The following PCDH19 variants were observed in gnomAD, a reference collection of about 807,000 sequenced individuals.
PCDH19 encodes protocadherin-19.
A neutral mutation model predicts 46.2 loss-of-function variants in PCDH19; 6 were observed. The ratio of observed to expected loss-of-function variants is 0.13; its 90% CI spans 0.07 to 0.26. The LOEUF is 0.26. Ranked by LOEUF, PCDH19 falls within the 10% of genes least tolerant of loss-of-function variation. The probability of loss-of-function intolerance (pLI) is 1.00; values close to 1 mark genes in which losing one functional copy is unlikely to be tolerated. For synonymous variants in PCDH19, 481 were observed against 415.7 expected, an observed-to-expected ratio of 1.16 and a Z score of -1.91; for missense variants, 740 against 972.3, an observed-to-expected ratio of 0.76 and a Z score of 3.18.
At position 100,406,546 on chromosome X, in the gene PCDH19, G is replaced by A. The variant is rs1555984966; in HGVS notation, c.2052C>T (p.Ala684=). 1 of 1,209,574 alleles carries A rather than the reference G, an allele frequency of 8.3e-7. No homozygotes were observed. Among genetic ancestry groups the A allele is most frequent in the Non-Finnish European group, 1.1e-6 (1 of 894,230 alleles). The change falls in exon 1 of 6, where the codon GCC becomes GCT. Residue 684 remains alanine, a synonymous_variant. Transcript: ENST00000373034. The part of the protein sequence containing the change: ...SVNLSLIFII[A]LGSIAGILFV... ...AGAGGATGCCCGCAATGGAGCCCAG[G>A]GCAATAATGAAAATCAAGGACAAGT...
At position 100,409,773 on chromosome X, in the gene PCDH19, G is replaced by T. The variant is rs781106875; in HGVS notation, c.-1176C>A. On this transcript the variant is annotated 5_prime_UTR_variant, in exon 1 of 6. Transcript: ENST00000373034. ...AGCCCTCCTAGCTCAGTTGCACGTCGCTGGGGTCCGCCTCAGCAGCTGCCA... is the reference window on the plus strand; with the variant it reads ...AGCCCTCCTAGCTCAGTTGCACGTCTCTGGGGTCCGCCTCAGCAGCTGCCA... The T allele has an allele frequency of 4.6e-5, 10 of 215,096 alleles. No homozygotes were observed. The East Asian group carries it at 9.2e-4, about 20-fold the overall frequency. The allele number at this position is 215,096 out of a possible 1,213,427, so 17.7% of individuals were successfully genotyped here. A position where few individuals can be genotyped will look rare whatever the true frequency, so the allele number is the denominator to read the frequency against.
At chrX:100,342,932 C>T (rs185340370) in intron 4 of PCDH19, among the ~76,000 whole-genome samples, 136 of 112,296 alleles carry the variant, frequency 1.2e-3, no homozygotes, top group African/African-American at 4.0e-3. Context: ...AACATTATTT[C>T]TGGGTGTGTC....
At chrX:100,340,753 A>G (rs1316399077) in intron 5 of PCDH19, among the ~76,000 whole-genome samples, 1 of 112,155 alleles carries the variant, frequency 8.9e-6, no homozygotes, top group Non-Finnish European at 1.9e-5. Flanking sequence ...ATTTTTTTCC[A>G]TGAAAAACAT....
At chrX:100,326,485 A>G (rs1925699857) in intron 5 of PCDH19, among the ~76,000 whole-genome samples, 2 of 111,671 alleles carry the variant, frequency 1.8e-5, no homozygotes, top group Admixed American at 1.9e-4. Context: ...AAGGAATCAA[A>G]ATGACGTCTA....
chrX:100,407,521 G>A lies in PCDH19; in HGVS notation c.1077C>T (p.Ser359=). 1 of 1,211,254 alleles carries A rather than the reference G, an allele frequency of 8.3e-7. No homozygotes were observed. Among genetic ancestry groups the A allele is most frequent in the South Asian group, 1.8e-5 (1 of 57,036 alleles). ...TCACGTAGCCCGGGGGGGCGCTCTC[G>A]CTGACCTCCACAAGCTCACTGTTGA... ...LSVNSELVEV[S]ESAPPGYVIA... Residue 359 remains serine (S), a synonymous_variant, in exon 1 of 6, where the codon AGC becomes AGT. Coordinates refer to ENST00000373034, the MANE Select transcript of PCDH19 (RefSeq NM_001184880.2).
intron 3 of PCDH19, among the ~76,000 whole-genome samples, chrX:100,376,984 G>A (rs1029296426): frequency 8.9e-6 from 1 of 112,213 alleles, no homozygotes; most frequent in Non-Finnish European, 1.9e-5. Flanking sequence ...TCTCTTTCCA[G>A]GGGTGAATAA....
rs368948239 is a variant in PCDH19 at position 100,343,414 on chromosome X, T to G, written c.2676-1339A>C. On this transcript the variant is annotated intron_variant, in intron 4 of 5. Transcript: ENST00000373034. ...GTGAGAGCCAGAGAGTGAGCACTAA[T>G]GCAACTCTGAGTATAGTTATACTAA... Among the ~76,000 whole-genome samples, 12 of 112,479 alleles carry G rather than the reference T, an allele frequency of 1.1e-4. No homozygotes were observed. In the East Asian group the frequency reaches 2.3e-3, roughly 21 times the overall value.
At chrX:100,373,431 A>G (rs1426670297) in intron 3 of PCDH19, among the ~76,000 whole-genome samples, 1 of 113,020 alleles carries the variant, frequency 8.8e-6, no homozygotes, top group African/African-American at 3.2e-5. Context: ...TGGGGAAAAG[A>G]ATCAGCTTCA....
intron 5 of PCDH19, among the ~76,000 whole-genome samples, chrX:100,317,286 A>G (rs1925338498): frequency 8.9e-6 from 1 of 112,255 alleles, no homozygotes; most frequent in Non-Finnish European, 1.9e-5. Flanking sequence ...GGAACTGTAC[A>G]GACCCTGAAA....
At chrX:100,372,372 C>T (rs1289707672) in intron 3 of PCDH19, among the ~76,000 whole-genome samples, 2 of 112,288 alleles carry the variant, frequency 1.8e-5, no homozygotes, top group Non-Finnish European at 3.8e-5. Context: ...TCCATATATC[C>T]TGTGCAGCTT....
At chrX:100,318,677 G>A (rs1316379698) in intron 5 of PCDH19, among the ~76,000 whole-genome samples, 1 of 111,946 alleles carries the variant, frequency 8.9e-6, no homozygotes, top group Non-Finnish European at 1.9e-5. Context: ...ATGGAACATG[G>A]ACCAGGTAAG....
At chrX:100,366,518 T>C (rs1337842479) in intron 3 of PCDH19, among the ~76,000 whole-genome samples, 1 of 112,277 alleles carries the variant, frequency 8.9e-6, no homozygotes, top group Non-Finnish European at 1.9e-5. Flanking sequence ...CTTTCCCGTG[T>C]TGGAGTCATA....
intron 5 of PCDH19, among the ~76,000 whole-genome samples, chrX:100,307,652 G>A (rs1489352269): frequency 2.7e-5 from 3 of 110,739 alleles, no homozygotes; most frequent in African/African-American, 9.8e-5. Flanking sequence ...AAACCCTAAC[G>A]AGTCATCCAA....
At chrX:100,345,807 T>G (rs1926382606) in intron 4 of PCDH19, among the ~76,000 whole-genome samples, 1 of 111,718 alleles carries the variant, frequency 9.0e-6, no homozygotes, top group African/African-American at 3.3e-5. Context: ...AGTTTGCCCA[T>G]CTGACAAACT....
intron 5 of PCDH19, among the ~76,000 whole-genome samples, chrX:100,322,529 T>C (rs1267777482): frequency 9.1e-6 from 1 of 109,577 alleles, no homozygotes; most frequent in Non-Finnish European, 1.9e-5. Context: ...TTTTTTTGTT[T>C]TTTGTTTTGT....
At chrX:100,357,790 G>C (rs1288835960) in intron 3 of PCDH19, among the ~76,000 whole-genome samples, 1 of 112,144 alleles carries the variant, frequency 8.9e-6, no homozygotes, top group Non-Finnish European at 1.9e-5. Context: ...TGTGTAGTGT[G>C]TCAGTTCATC....
chrX:100,397,262 C>G (rs1928051119), intron 3 of PCDH19, among the ~76,000 whole-genome samples: 1 of 111,915 alleles, frequency 8.9e-6, no homozygotes, highest in Non-Finnish European at 1.9e-5. Context: ...ATTATTTCCA[C>G]TAAGATGACC....
At position 100,409,276 on chromosome X, in the gene PCDH19, C is replaced by G. The variant is rs1204153119; in HGVS notation, c.-679G>C. ...AGTTACTGGCAAGCGCCGCGGGCACCCGGTTATAGGGTTGAGTCGGATGGC... is the reference window on the plus strand; with the variant it reads ...AGTTACTGGCAAGCGCCGCGGGCACGCGGTTATAGGGTTGAGTCGGATGGC... On this transcript the variant is annotated 5_prime_UTR_variant, in exon 1 of 6. Transcript: ENST00000373034. The G allele has an allele frequency of 1.8e-5, 2 of 111,577 alleles. No homozygotes were observed. Among genetic ancestry groups the G allele is most frequent in the Non-Finnish European group, 3.8e-5 (2 of 52,929 alleles). The allele number at this position is 111,577 out of a possible 1,213,427, so 9.2% of individuals were successfully genotyped here. A position where few individuals can be genotyped will look rare whatever the true frequency, so the allele number is the denominator to read the frequency against.
intron 5 of PCDH19, among the ~76,000 whole-genome samples, chrX:100,304,833 A>C (rs1924888343): frequency 8.9e-6 from 1 of 112,436 alleles, no homozygotes; most frequent in African/African-American, 3.2e-5. Context: ...TTCAGAGCTC[A>C]AAGACAAGGA....
Sources: gnomAD v4.1 joint callset for allele counts (sites outside exome capture counted in the v4.1 genomes callset) on GRCh38, gnomAD v4.1.1 for gene constraint, MANE v1.5 for transcripts, NCBI Gene and HGNC (gene_info 2026-07-23, HGNC 2026-07-21) for gene names.